The following DNAJC1 variants were observed in gnomAD, a reference collection of about 807,000 sequenced individuals.
The protein encoded by DNAJC1 is dnaJ homolog subfamily C member 1.
DNAJC1 carries 58 observed loss-of-function variants against 76.6 expected under a neutral mutation model. The observed-to-expected ratio is 0.76, with a 90% confidence interval of 0.61 to 0.94. The LOEUF (loss-of-function observed/expected upper bound fraction) is 0.94. Among genes scored for constraint, DNAJC1 ranks in the 40% least tolerant of loss-of-function variants. The probability of loss-of-function intolerance (pLI) is 0.00; values close to 1 mark genes in which losing one functional copy is unlikely to be tolerated. For missense variants in DNAJC1, 689 were observed against 677.3 expected, an observed-to-expected ratio of 1.02 and a Z score of -0.19; for synonymous variants, 258 against 267.9, an observed-to-expected ratio of 0.96 and a Z score of 0.36.
At chr10:21,984,668 T>C (rs1838210870) in intron 1 of DNAJC1, among the ~76,000 whole-genome samples, 1 of 152,238 alleles carries the variant, frequency 6.6e-6, no homozygotes, top group Non-Finnish European at 1.5e-5. Context: ...AAAATCATTT[T>C]TTCTTCTGAA....
Position 21,953,821 on chromosome 10 carries a change from TAAAA to T in DNAJC1, c.223-24684_223-24681del, listed in dbSNP as rs779370823. 9.4e-5 allele frequency among the ~76,000 whole-genome samples: 8 copies of T among 84,944 alleles called. No homozygotes were observed. In the South Asian group the frequency reaches 1.2e-3, roughly 13 times the overall value. 55.7% of individuals were successfully genotyped at this position (84,944 alleles called of 152,430 possible). A position where few individuals can be genotyped will look rare whatever the true frequency, so the allele number is the denominator to read the frequency against. ...GTGGTAAAAAACTAAAACTGAACTT[TAAAA>T]AAAAAAAAAAAAAAAAAAAAGAAGA... On this transcript the variant is annotated intron_variant, in intron 1 of 11. Coordinates refer to ENST00000376980, the MANE Select transcript of DNAJC1 (RefSeq NM_022365.4).
At position 21,840,519 on chromosome 10, in the gene DNAJC1, A is replaced by G. The variant is rs534273460; in HGVS notation, c.979-34420T>C. 3.3e-5 allele frequency among the ~76,000 whole-genome samples: 5 copies of G among 152,338 alleles called. No homozygotes were observed. The South Asian group carries it at 1.0e-3, about 32-fold the overall frequency. Reference sequence around the variant, plus strand: ...CATTCACAATTGCTTCAAAGAGAATAAAATACCTAGGAATCCAACTTACAA... The same window carrying G: ...CATTCACAATTGCTTCAAAGAGAATGAAATACCTAGGAATCCAACTTACAA... On this transcript the variant is annotated intron_variant, in intron 8 of 11. Transcript: ENST00000376980.
intron 1 of DNAJC1, among the ~76,000 whole-genome samples, chr10:21,984,238 G>A (rs1838202621): frequency 2.0e-5 from 3 of 152,114 alleles, no homozygotes; most frequent in Admixed American, 2.0e-4. Context: ...GAAACTGGCT[G>A]CTTATAAACA....
rs2131813372 is a variant in DNAJC1 at position 21,956,829 on chromosome 10, C to T, written c.223-27688G>A. On this transcript the variant is annotated intron_variant, in intron 1 of 11. Coordinates refer to ENST00000376980, the MANE Select transcript of DNAJC1 (RefSeq NM_022365.4). ...CAACAGTTTATACATAACACACACA[C>T]ACACACACACACACACACACACACA... 2.0e-5 allele frequency among the ~76,000 whole-genome samples: 3 copies of T among 150,362 alleles called. No individual in the cohort carries two copies. The South Asian group carries it at 6.3e-4, about 32-fold the overall frequency.
At chr10:21,969,436 C>T (rs1475681146) in intron 1 of DNAJC1, among the ~76,000 whole-genome samples, 1 of 152,104 alleles carries the variant, frequency 6.6e-6, no homozygotes, top group Non-Finnish European at 1.5e-5. Context: ...TCTTGATTCT[C>T]TTCAGAAATA....
chr10:21,854,360 A>C (rs1481387123), intron 8 of DNAJC1, among the ~76,000 whole-genome samples: 1 of 151,946 alleles, frequency 6.6e-6, no homozygotes, highest in East Asian at 1.9e-4. Context: ...TAAAAAAAAA[A>C]AAAAAAAAAA....
chr10:21,985,707 A>G (rs1266764887), intron 1 of DNAJC1, among the ~76,000 whole-genome samples: 1 of 152,078 alleles, frequency 6.6e-6, no homozygotes, highest in African/African-American at 2.4e-5. Flanking sequence ...TTCTTTTTCT[A>G]CCAAATATTA....
At chr10:21,787,041 G>A (rs1834620418) in intron 9 of DNAJC1, among the ~76,000 whole-genome samples, 1 of 152,258 alleles carries the variant, frequency 6.6e-6, no homozygotes, top group African/African-American at 2.4e-5. Flanking sequence ...GAGAAACAGA[G>A]TCTTGGCTGG....
chr10:21,822,254 C>T (rs535269335), intron 8 of DNAJC1, among the ~76,000 whole-genome samples: 1 of 152,044 alleles, frequency 6.6e-6, no homozygotes, highest in Non-Finnish European at 1.5e-5. Flanking sequence ...GCCTGGCCAA[C>T]ATGGTGAAAC....
intron 9 of DNAJC1, among the ~76,000 whole-genome samples, chr10:21,780,293 T>A (rs1428244747): frequency 1.3e-5 from 2 of 152,074 alleles, no homozygotes; most frequent in African/African-American, 2.4e-5. Context: ...CACATAATTG[T>A]CAGATTCACC....
chr10:21,817,333 T>C (rs1835092877), intron 8 of DNAJC1, among the ~76,000 whole-genome samples: 1 of 152,166 alleles, frequency 6.6e-6, no homozygotes, highest in African/African-American at 2.4e-5. Context: ...TACACATAAA[T>C]GTTTACATTT....
At chr10:21,996,827 A>G (rs1439730388) in intron 1 of DNAJC1, among the ~76,000 whole-genome samples, 2 of 152,202 alleles carry the variant, frequency 1.3e-5, no homozygotes, top group Non-Finnish European at 2.9e-5. Context: ...CATATCACAA[A>G]AAGAGTGTGT....
At chr10:21,924,051 A>G (rs1049568479) in intron 3 of DNAJC1, among the ~76,000 whole-genome samples, 3 of 152,056 alleles carry the variant, frequency 2.0e-5, no homozygotes, top group Non-Finnish European at 4.4e-5. Context: ...ATTTCCACTT[A>G]GGTCACATTT....
chr10:21,789,385 A>AT (rs1254833520), intron 9 of DNAJC1, among the ~76,000 whole-genome samples: 1 of 152,090 alleles, frequency 6.6e-6, no homozygotes, highest in African/African-American at 2.4e-5. Context: ...GTCTTTCTCT[A>AT]TGTATGAAAG....
At chr10:21,882,164 A>G in intron 8 of DNAJC1, 118 bp downstream of exon 8, 1 of 1,009,104 alleles carries the variant, frequency 9.9e-7, no homozygotes, top group Non-Finnish European at 1.4e-6. Context: ...AAACAAAACA[A>G]AACAATAGTA....
At position 21,817,159 on chromosome 10, in the gene DNAJC1, C is replaced by CAAA. The variant is rs1194285168; in HGVS notation, c.979-11063_979-11061dup. Reference sequence around the variant, plus strand: ...TGGGCTACAGAGCGAGATTCCGTCTCAAAAAAAAAAAAAAAAAAAAAAAAT... The same window carrying CAAA: ...TGGGCTACAGAGCGAGATTCCGTCTCAAAAAAAAAAAAAAAAAAAAAAAAAAAT... On this transcript the variant is annotated intron_variant, in intron 8 of 11. Coordinates refer to ENST00000376980, the MANE Select transcript of DNAJC1 (RefSeq NM_022365.4). Among the ~76,000 whole-genome samples the CAAA allele has an allele frequency of 9.1e-3, 540 of 59,568 alleles. 21 individuals carry two copies. Among genetic ancestry groups the CAAA allele is most frequent in the Non-Finnish European group, 0.011 (391 of 34,078 alleles). 39.1% of individuals were successfully genotyped at this position (59,568 alleles called of 152,430 possible).
intron 8 of DNAJC1, among the ~76,000 whole-genome samples, chr10:21,879,986 C>A (rs1487031825): frequency 6.6e-6 from 1 of 152,232 alleles, no homozygotes; most frequent in East Asian, 1.9e-4. Flanking sequence ...CCATCTCCAA[C>A]CCTGCTAGTT....
chr10:21,988,246 T>C (rs1838277809), intron 1 of DNAJC1, among the ~76,000 whole-genome samples: 1 of 152,152 alleles, frequency 6.6e-6, no homozygotes. Context: ...CAGAGTATTG[T>C]TATCCATGTT....
chr10:21,931,637 T>C (rs1178530205), intron 1 of DNAJC1, among the ~76,000 whole-genome samples: 2 of 152,198 alleles, frequency 1.3e-5, no homozygotes, highest in African/African-American at 4.8e-5. Flanking sequence ...ATCCTTGACC[T>C]GATAAACTAT....
Sources: allele counts gnomAD v4.1 joint callset (sites outside exome capture counted in the v4.1 genomes callset), GRCh38; gene constraint gnomAD v4.1.1; transcripts MANE v1.5; gene names NCBI Gene and HGNC (gene_info 2026-07-23, HGNC 2026-07-21).